The following RBFOX1 variants were observed in gnomAD, a reference collection of about 807,000 sequenced individuals.
The protein encoded by RBFOX1 is RNA binding fox-1 homolog 1.
RBFOX1 carries 8 observed loss-of-function variants against 57.7 expected under a neutral mutation model. The ratio of observed to expected loss-of-function variants is 0.14; its 90% CI spans 0.08 to 0.25. The LOEUF is 0.25. RBFOX1 is among the 10% of genes least tolerant of loss of function. The pLI is 1.00. For synonymous variants in RBFOX1, 326 were observed against 222.4 expected, an observed-to-expected ratio of 1.47 and a Z score of -4.15; for missense variants, 611 against 548.5, an observed-to-expected ratio of 1.11 and a Z score of -1.14.
chr16:7,171,103 C>G (rs919783538), intron 4 of RBFOX1, among the ~76,000 whole-genome samples: 2 of 152,174 alleles, frequency 1.3e-5, no homozygotes, highest in African/African-American at 4.8e-5. Flanking sequence ...AGCTTTCTTC[C>G]CAAACCCTCT....
chr16:6,491,859 T>C (rs1028570702), intron 2 of RBFOX1, among the ~76,000 whole-genome samples: 9 of 152,166 alleles, frequency 5.9e-5, no homozygotes, highest in Non-Finnish European at 1.0e-4. Flanking sequence ...TGTTCTAACA[T>C]TGGTGAAAAA....
intron 2 of RBFOX1, among the ~76,000 whole-genome samples, chr16:6,373,632 G>T (rs1164736522): frequency 6.6e-6 from 1 of 152,176 alleles, no homozygotes; most frequent in Middle Eastern, 3.4e-3. Flanking sequence ...TGAGTAGGAG[G>T]ATGATTGGGT....
At chr16:7,590,473 T>A (rs2094384520) in intron 7 of RBFOX1, among the ~76,000 whole-genome samples, 1 of 152,126 alleles carries the variant, frequency 6.6e-6, no homozygotes, top group Non-Finnish European at 1.5e-5. Context: ...AATTTATTTT[T>A]CCTTTTTACG....
At chr16:6,664,069 A>C (rs982743933) in intron 3 of RBFOX1, among the ~76,000 whole-genome samples, 1 of 152,190 alleles carries the variant, frequency 6.6e-6, no homozygotes, top group African/African-American at 2.4e-5. Context: ...AGGTGTGTAA[A>C]GACAGTTTCT....
intron 4 of RBFOX1, among the ~76,000 whole-genome samples, chr16:7,325,341 T>A (rs940442201): frequency 3.3e-5 from 5 of 152,182 alleles, no homozygotes; most frequent in Non-Finnish European, 7.4e-5. Context: ...ACACAGCTGA[T>A]AACTGGTAGG....
At chr16:6,045,462 A>G (rs1240388985) in intron 1 of RBFOX1, among the ~76,000 whole-genome samples, 2 of 152,196 alleles carry the variant, frequency 1.3e-5, no homozygotes, top group East Asian at 1.9e-4. Flanking sequence ...AGACCTCTTC[A>G]TATGCCATCA....
intron 1 of RBFOX1, among the ~76,000 whole-genome samples, chr16:6,181,744 A>G (rs922328183): frequency 6.6e-6 from 1 of 152,160 alleles, no homozygotes; most frequent in Admixed American, 6.5e-5. Flanking sequence ...CCTGTCATCT[A>G]TTAGTGGGTA....
intron 3 of RBFOX1, among the ~76,000 whole-genome samples, chr16:6,926,966 G>C (rs1233021048): frequency 6.6e-6 from 1 of 152,058 alleles, no homozygotes; most frequent in Non-Finnish European, 1.5e-5. Context: ...GCCTTACTCA[G>C]GCCTCTGCCA....
intron 4 of RBFOX1, among the ~76,000 whole-genome samples, chr16:7,234,409 C>A (rs903538720): frequency 6.6e-6 from 1 of 152,010 alleles, no homozygotes; most frequent in Non-Finnish European, 1.5e-5. Flanking sequence ...AAAAGCTAAC[C>A]TTTGGGAGGT....
chr16:7,569,068 ATTATCCG>A (rs1204243739), intron 5 of RBFOX1, among the ~76,000 whole-genome samples: 2 of 151,932 alleles, frequency 1.3e-5, no homozygotes, highest in African/African-American at 2.4e-5. Flanking sequence ...TTTTAAACCC[ATTATCCG>A]TTATCGCTTT....
intron 4 of RBFOX1, among the ~76,000 whole-genome samples, chr16:5,880,466 T>C (rs2057735274): frequency 6.6e-6 from 1 of 152,224 alleles, no homozygotes; most frequent in African/African-American, 2.4e-5. Flanking sequence ...AATTTATTAC[T>C]TTCAGCCAGC....
intron 4 of RBFOX1, among the ~76,000 whole-genome samples, chr16:7,449,668 A>T (rs1174091815): frequency 7.2e-6 from 1 of 138,232 alleles, no homozygotes; most frequent in South Asian, 2.3e-4. Flanking sequence ...GGTCTTGGTG[A>T]TAATTTGTCA....
rs112877702 is a variant in RBFOX1 at position 5,243,123 on chromosome 16, C to T, written c.219+3018C>T. Among the ~76,000 whole-genome samples, 611 of 152,260 alleles carry T rather than the reference C, an allele frequency of 4.0e-3. 5 individuals carry two copies. Among genetic ancestry groups the T allele is most frequent in the African/African-American group, 0.014 (578 of 41,540 alleles). ...TAGCCCTCCCCAAGCCTTTATTGAC[C>T]GCTTGTGAATGATCCCAGGGTGTGT... On this transcript the variant is annotated intron_variant, in intron 1 of 2. Coordinates refer to the RBFOX1 transcript ENST00000585867.
intron 1 of RBFOX1, among the ~76,000 whole-genome samples, chr16:5,442,918 G>C (rs112318722): frequency 2.2e-3 from 341 of 152,264 alleles, no homozygotes; most frequent in Non-Finnish European, 3.7e-3. Context: ...CTGAAATCCA[G>C]TGTCTAATGT....
intron 2 of RBFOX1, among the ~76,000 whole-genome samples, chr16:6,349,970 G>A (rs896310939): frequency 5.3e-5 from 8 of 152,218 alleles, no homozygotes; most frequent in Middle Eastern, 3.4e-3. Context: ...GTGAATGTGC[G>A]TGTCTCTCCT....
chr16:7,474,946 C>G (rs547709852), intron 4 of RBFOX1, among the ~76,000 whole-genome samples: 1 of 152,310 alleles, frequency 6.6e-6, no homozygotes, highest in South Asian at 2.1e-4. Context: ...GGTCAAAGCA[C>G]CAATGCAGAG....
chr16:7,160,729 T>G (rs767936085), intron 4 of RBFOX1, among the ~76,000 whole-genome samples: 5 of 152,020 alleles, frequency 3.3e-5, no homozygotes, highest in Non-Finnish European at 5.9e-5. Context: ...TTCAGGCAGT[T>G]TCTTAACATA....
chr16:7,289,783 G>C (rs578107428), intron 4 of RBFOX1, among the ~76,000 whole-genome samples: 1 of 152,252 alleles, frequency 6.6e-6, no homozygotes, highest in East Asian at 1.9e-4. Context: ...AGTCTTGTGA[G>C]ATAAAAATAT....
intron 4 of RBFOX1, among the ~76,000 whole-genome samples, chr16:7,284,760 G>C (rs1055392355): frequency 1.7e-4 from 26 of 152,200 alleles, no homozygotes; most frequent in Non-Finnish European, 1.2e-4. Flanking sequence ...CTGGATTGCA[G>C]CAGAATTAAT....
Sources: allele counts gnomAD v4.1 joint callset (sites outside exome capture counted in the v4.1 genomes callset), GRCh38; gene constraint gnomAD v4.1.1; transcripts MANE v1.5; gene names NCBI Gene and HGNC (gene_info 2026-07-23, HGNC 2026-07-21).